Variants in FSTL5 observed in about 807,000 individuals in gnomAD.
FSTL5 encodes the protein follistatin like 5, also known as follistatin-related protein 5.
A neutral mutation model predicts 89.1 loss-of-function variants in FSTL5; 62 were observed. That is an observed-to-expected ratio of 0.70 (90% confidence interval 0.57 to 0.86). The LOEUF is 0.86. FSTL5 is among the 40% of genes least tolerant of loss of function. FSTL5 has a pLI of 0.00. For synonymous variants in FSTL5, 383 were observed against 346.2 expected (o/e 1.11, Z -1.18); for missense variants, 1,057 against 1,001.6 (o/e 1.06, Z -0.75).
At chr4:161,666,639 A>G (rs1278249379) in intron 6 of FSTL5, among the ~76,000 whole-genome samples, 1 of 152,160 alleles carries the variant, frequency 6.6e-6, no homozygotes, top group Non-Finnish European at 1.5e-5. Flanking sequence ...AGACACCTTT[A>G]ATATACAGGA....
At chr4:162,009,993 A>C (rs1736715269) in intron 3 of FSTL5, among the ~76,000 whole-genome samples, 1 of 149,956 alleles carries the variant, frequency 6.7e-6, no homozygotes, top group Non-Finnish European at 1.5e-5. Flanking sequence ...AAAAAAAAAA[A>C]GAACCTATTA....
chr4:161,552,008 C>T (rs942090628), intron 8 of FSTL5, among the ~76,000 whole-genome samples: 2 of 151,966 alleles, frequency 1.3e-5, no homozygotes, highest in Non-Finnish European at 2.9e-5. Flanking sequence ...AACTAAAGAG[C>T]TTCTGCACAG....
chr4:161,845,612 A>C (rs1013929385), intron 4 of FSTL5, among the ~76,000 whole-genome samples: 1 of 152,208 alleles, frequency 6.6e-6, no homozygotes, highest in Non-Finnish European at 1.5e-5. Context: ...AAAGAAGCTC[A>C]AGACATGTTT....
chr4:161,494,157 T>C (rs1448482124), intron 12 of FSTL5, among the ~76,000 whole-genome samples: 1 of 152,136 alleles, frequency 6.6e-6, no homozygotes, highest in Non-Finnish European at 1.5e-5. Flanking sequence ...CTTTGCAGGA[T>C]ATCATTGTCA....
At chr4:162,157,238 C>A (rs1018164074) in intron 1 of FSTL5, among the ~76,000 whole-genome samples, 7 of 151,786 alleles carry the variant, frequency 4.6e-5, no homozygotes, top group Non-Finnish European at 8.8e-5. Context: ...ATAGGAAGAA[C>A]AATGTAATTT....
chr4:162,010,984 T>A (rs1485924868), intron 3 of FSTL5, among the ~76,000 whole-genome samples: 1 of 152,308 alleles, frequency 6.6e-6, no homozygotes, highest in South Asian at 2.1e-4. Flanking sequence ...TATATGGTAA[T>A]TCTGTGTTAA....
At chr4:161,854,039 T>C (rs994867549) in intron 4 of FSTL5, among the ~76,000 whole-genome samples, 3 of 152,192 alleles carry the variant, frequency 2.0e-5, no homozygotes, top group African/African-American at 2.4e-5. Flanking sequence ...ACAGCATCTA[T>C]TTATATATGT....
intron 4 of FSTL5, among the ~76,000 whole-genome samples, chr4:161,779,770 T>TATGTATATATATATATATATATAC (rs1741562160): frequency 1.0e-4 from 1 of 10,036 alleles, no homozygotes; most frequent in East Asian, 1.9e-3. Context: ...TATATATATA[T>TATGTATATATATATATATATATAC]ATATGTATAT....
intron 7 of FSTL5, among the ~76,000 whole-genome samples, chr4:161,643,946 T>A (rs1736051741): frequency 6.6e-6 from 1 of 152,180 alleles, no homozygotes; most frequent in African/African-American, 2.4e-5. Flanking sequence ...TAAAAATTAT[T>A]GAGTACCTAC....
intron 1 of FSTL5, among the ~76,000 whole-genome samples, chr4:162,160,432 C>T (rs1419314510): frequency 6.6e-6 from 1 of 151,780 alleles, no homozygotes; most frequent in East Asian, 1.9e-4. Flanking sequence ...AGGTGATTAA[C>T]TCTGTTTGGT....
intron 3 of FSTL5, among the ~76,000 whole-genome samples, chr4:162,022,562 A>G (rs1204704900): frequency 6.6e-6 from 1 of 152,178 alleles, no homozygotes; most frequent in Non-Finnish European, 1.5e-5. Context: ...AGGGTAAACC[A>G]TAAGTTAGAC....
chr4:161,798,614 A>C (rs1054996496), intron 4 of FSTL5, among the ~76,000 whole-genome samples: 1 of 151,606 alleles, frequency 6.6e-6, no homozygotes, highest in African/African-American at 2.4e-5. Flanking sequence ...AACTTTATCA[A>C]TCACAAACTC....
chr4:161,884,274 G>T lies in FSTL5; in HGVS notation c.409+36130C>A, dbSNP rs963766050. The stretch of plus-strand genomic sequence containing the variant: ...ACTGGTCTCAAACTCCTGACCTCGT[G>T]ATCTGCCTGCCTCAGCATTTTTCAA... On this transcript the variant is annotated intron_variant, in intron 4 of 15. Transcript: ENST00000306100. Among the ~76,000 whole-genome samples the T allele has an allele frequency of 2.0e-5, 3 of 151,994 alleles. No homozygotes were observed. In the South Asian group the frequency reaches 6.2e-4, roughly 31 times the overall value.
At chr4:162,003,051 G>A (rs1217690115) in intron 3 of FSTL5, among the ~76,000 whole-genome samples, 1 of 152,160 alleles carries the variant, frequency 6.6e-6, no homozygotes, top group Non-Finnish European at 1.5e-5. Context: ...GGCTGAGGCA[G>A]GAGAATGGTG....
intron 7 of FSTL5, among the ~76,000 whole-genome samples, chr4:161,636,816 T>C (rs1735734477): frequency 1.5e-5 from 2 of 135,360 alleles, no homozygotes; most frequent in Admixed American, 1.5e-4. Context: ...GGCTGCATAG[T>C]ATTCCATGGT....
intron 3 of FSTL5, among the ~76,000 whole-genome samples, chr4:161,944,334 A>T (rs958053032): frequency 7.9e-5 from 12 of 152,028 alleles, no homozygotes; most frequent in African/African-American, 2.6e-4. Context: ...TTGCCAGTAT[A>T]AAAAAAATCT....
At chr4:161,811,336 C>A (rs1325383480) in intron 4 of FSTL5, among the ~76,000 whole-genome samples, 1 of 152,120 alleles carries the variant, frequency 6.6e-6, no homozygotes, top group Non-Finnish European at 1.5e-5. Context: ...GCTGGATAAT[C>A]AAATTATAAG....
chr4:162,027,238 A>G (rs1737328806), intron 3 of FSTL5, among the ~76,000 whole-genome samples: 1 of 152,138 alleles, frequency 6.6e-6, no homozygotes, highest in African/African-American at 2.4e-5. Flanking sequence ...AGGATGGAGA[A>G]TAAATACTAC....
chr4:161,739,994 A>G (rs2126770533), intron 6 of FSTL5, among the ~76,000 whole-genome samples: 1 of 151,238 alleles, frequency 6.6e-6, no homozygotes, highest in Admixed American at 6.6e-5. Context: ...ATAGGATAGT[A>G]TCTATTTATT....
Sources: gnomAD v4.1 joint callset for allele counts (sites outside exome capture counted in the v4.1 genomes callset) on GRCh38, gnomAD v4.1.1 for gene constraint, MANE v1.5 for transcripts, NCBI Gene and HGNC (gene_info 2026-07-23, HGNC 2026-07-21) for gene names.